The following DGKI variants were observed in gnomAD, a reference collection of about 807,000 sequenced individuals.
The protein encoded by DGKI is DAG kinase iota.
DGKI carries 55 observed loss-of-function variants against 147.5 expected under a neutral mutation model. The ratio of observed to expected loss-of-function variants is 0.37; its 90% confidence interval spans 0.30 to 0.47. The LOEUF is 0.47. Among genes scored for constraint, DGKI ranks in the 20% least tolerant of loss-of-function variants. The pLI, the probability that DGKI is intolerant of heterozygous loss-of-function variation, is 1.00. For missense variants in DGKI, 1,007 were observed against 1,323.8 expected, an observed-to-expected ratio of 0.76 and a Z score of 3.71; for synonymous variants, 469 against 477.1, an observed-to-expected ratio of 0.98 and a Z score of 0.22.
chr7:137,579,435 G>GAA (rs1819104060), intron 15 of DGKI, among the ~76,000 whole-genome samples: 1 of 83,240 alleles, frequency 1.2e-5, no homozygotes, highest in African/African-American at 7.5e-5. Context: ...AACAGAAACA[G>GAA]TAAAAAAAAA....
At chr7:137,583,278 C>A (rs558977032) in intron 14 of DGKI, among the ~76,000 whole-genome samples, 2 of 152,258 alleles carry the variant, frequency 1.3e-5, no homozygotes, top group South Asian at 4.2e-4. Flanking sequence ...ACACATAGAA[C>A]AATGCCAAAA....
In DGKI at chr7:137,623,487, T is replaced by C; in HGVS notation, c.872A>G (p.Gln291Arg). Residue 291 changes from glutamine to arginine, a missense_variant, in exon 7 of 33, where the codon CAG becomes CGG. This residue lies in a region of DGKI where 259 missense variants were observed against 362.5 expected (regional missense o/e 0.71). Coordinates refer to ENST00000614521, the MANE Select transcript of DGKI (RefSeq NM_001321708.2). ...TTTATTTCATCCCAATCTTACCGCC[T>C]GCTTGCACCAGGAACAGCTGATAGC... The part of the protein sequence containing the change: ...IVAISCSWCK[Q>R]AFHNKVTCFM... The C allele has an allele frequency of 1.9e-6, 3 of 1,613,922 alleles. No homozygotes were observed. Among genetic ancestry groups the C allele is most frequent in the Non-Finnish European group, 2.5e-6 (3 of 1,179,798 alleles).
Position 137,466,070 on chromosome 7 carries a change from T to A in DGKI, c.2485-35A>T, listed in dbSNP as rs1055707008. 7 of 1,609,242 alleles carry A rather than the reference T, an allele frequency of 4.3e-6. No individual in the cohort carries two copies. In the Admixed American group the frequency reaches 1.0e-4, roughly 23 times the overall value. On this transcript the variant is annotated intron_variant, in intron 25 of 32. Coordinates refer to ENST00000614521, the MANE Select transcript of DGKI (RefSeq NM_001321708.2). Reference sequence around the variant, plus strand: ...AACAAGAAGTCTGTTGCATGAAGAATAACAAAACAAGTATTCTTGGTCTCG... The same window carrying A: ...AACAAGAAGTCTGTTGCATGAAGAAAAACAAAACAAGTATTCTTGGTCTCG...
Position 137,396,624 on chromosome 7 carries a change from T to C in DGKI, c.2957+753A>G, listed in dbSNP as rs74737092. Among the ~76,000 whole-genome samples the C allele has an allele frequency of 9.5e-3, 1,453 of 152,194 alleles. 20 individuals carry two copies. Among genetic ancestry groups the C allele is most frequent in the African/African-American group, 0.033 (1,378 of 41,520 alleles). Reference sequence around the variant, plus strand: ...TCCACAGCTCTACTGCTTCTCTTCGTCCTCCATTCTATTCATTTCTACTTC... The same window carrying C: ...TCCACAGCTCTACTGCTTCTCTTCGCCCTCCATTCTATTCATTTCTACTTC... On this transcript the variant is annotated intron_variant, in intron 31 of 32. Transcript: ENST00000614521.
At chr7:137,822,536 AAAAC>A (rs552745445) in intron 1 of DGKI, among the ~76,000 whole-genome samples, 30 of 152,176 alleles carry the variant, frequency 2.0e-4, no homozygotes, top group Non-Finnish European at 4.0e-4. Flanking sequence ...TTTTTTCAAT[AAAAC>A]AAACCAGGAC....
At chr7:137,792,117 A>T (rs928774754) in intron 1 of DGKI, among the ~76,000 whole-genome samples, 15 of 152,178 alleles carry the variant, frequency 9.9e-5, no homozygotes, top group Non-Finnish European at 1.9e-4. Context: ...ATGAACACAA[A>T]TGTCGACTGA....
intron 20 of DGKI, among the ~76,000 whole-genome samples, chr7:137,551,581 A>G (rs766976878): frequency 2.6e-5 from 4 of 152,232 alleles, no homozygotes; most frequent in Non-Finnish European, 5.9e-5. Context: ...AATACTCAAA[A>G]GATGCCAAAA....
rs1794446082 is a variant in DGKI at position 137,718,372 on chromosome 7, A to C, written c.402-28370T>G. ...GATTTGAACCCAAAGGTGGCCCCTT[A>C]GAGGAGAGATGCCCACCCTGCCAGG... On this transcript the variant is annotated intron_variant, in intron 1 of 32. Coordinates refer to ENST00000614521, the MANE Select transcript of DGKI (RefSeq NM_001321708.2). Among the ~76,000 whole-genome samples the C allele has an allele frequency of 1.3e-5, 2 of 152,198 alleles. 1 individual carries two copies. The highest frequency in any genetic ancestry group is 4.8e-5 in the African/African-American group (2 of 41,446).
At chr7:137,511,016 G>A (rs1313359888) in intron 21 of DGKI, among the ~76,000 whole-genome samples, 1 of 152,208 alleles carries the variant, frequency 6.6e-6, no homozygotes, top group Non-Finnish European at 1.5e-5. Context: ...TCGGTACTGA[G>A]AAAGACTGTT....
Position 137,412,191 on chromosome 7 carries a change from T to C in DGKI, c.2778A>G (p.Val926=). ...SSEDHAILQA[V]IAGDLMKLIE... ...TTACCTTCATAAGATCACCAGCTAT[T>C]ACTGCCTGCAAAATTGCTGTGAAAG... is the stretch of plus-strand genomic sequence containing the variant. Residue 926 remains valine (V), a synonymous_variant, in exon 29 of 33, where the codon GTA becomes GTG. Coordinates refer to ENST00000614521, the MANE Select transcript of DGKI (RefSeq NM_001321708.2). 6.2e-7 allele frequency: 1 copy of C among 1,614,020 alleles called. No individual in the cohort carries two copies. Among genetic ancestry groups the C allele is most frequent in the Non-Finnish European group, 8.5e-7 (1 of 1,179,898 alleles).
intron 1 of DGKI, among the ~76,000 whole-genome samples, chr7:137,835,030 A>G (rs908195628): frequency 2.6e-5 from 4 of 152,188 alleles, no homozygotes; most frequent in African/African-American, 9.6e-5. Flanking sequence ...CGTATTTTCT[A>G]TCTTCATTTT....
chr7:137,636,737 G>A (rs1483623094), intron 6 of DGKI, among the ~76,000 whole-genome samples: 1 of 152,222 alleles, frequency 6.6e-6, no homozygotes, highest in Admixed American at 6.5e-5. Context: ...AGGTGTTTGG[G>A]TGATGGAGGC....
intron 1 of DGKI, among the ~76,000 whole-genome samples, chr7:137,839,468 T>C (rs1798486257): frequency 6.6e-6 from 1 of 152,194 alleles, no homozygotes; most frequent in South Asian, 2.1e-4. Context: ...TAATACCACT[T>C]TAACAAACAC....
At chr7:137,753,579 G>A (rs1233343960) in intron 1 of DGKI, among the ~76,000 whole-genome samples, 1 of 152,188 alleles carries the variant, frequency 6.6e-6, no homozygotes, top group Non-Finnish European at 1.5e-5. Flanking sequence ...GAGAGGAACG[G>A]GTTGTAAAGT....
At chr7:137,519,775 C>T (rs1816901262) in intron 21 of DGKI, among the ~76,000 whole-genome samples, 1 of 151,902 alleles carries the variant, frequency 6.6e-6, no homozygotes, top group African/African-American at 2.4e-5. Context: ...GATAAACTTT[C>T]CTGAAAAACC....
chr7:137,795,489 T>C (rs553621364), intron 1 of DGKI, among the ~76,000 whole-genome samples: 1 of 152,354 alleles, frequency 6.6e-6, no homozygotes, highest in South Asian at 2.1e-4. Context: ...CAGGGGATTT[T>C]TCCAAAAGAA....
intron 28 of DGKI, among the ~76,000 whole-genome samples, chr7:137,430,502 T>C (rs1407554286): frequency 1.3e-5 from 2 of 151,832 alleles, no homozygotes; most frequent in East Asian, 1.9e-4. Context: ...CATGTATACA[T>C]ATGTAACTAA....
rs1811529583 is a variant in DGKI, at chr7:137,395,826, G to A, written c.2958-129C>T. 1.7e-5 allele frequency: 12 copies of A among 713,308 alleles called. No individual in the cohort carries two copies. In the South Asian group the frequency reaches 2.4e-4, roughly 14 times the overall value. 44.2% of individuals were successfully genotyped at this position (713,308 alleles called of 1,614,324 possible). A position where few individuals can be genotyped will look rare whatever the true frequency, so the allele number is the denominator to read the frequency against. Reference sequence around the variant, plus strand: ...AGGCTGCTGAGACTTTGGCTGTAGGGTACATTCTGGGGAGGTAGGGAAGGG... The same window carrying A: ...AGGCTGCTGAGACTTTGGCTGTAGGATACATTCTGGGGAGGTAGGGAAGGG... On this transcript the variant is annotated intron_variant, in intron 31 of 32. Coordinates refer to ENST00000614521, the MANE Select transcript of DGKI (RefSeq NM_001321708.2).
In DGKI at chr7:137,386,928, A is replaced by G. The variant is rs982983928; in HGVS notation, c.*4292T>C. 1 of 152,202 alleles carries G rather than the reference A, an allele frequency of 6.6e-6. No homozygotes were observed. The highest frequency in any genetic ancestry group is 1.5e-5 in the Non-Finnish European group (1 of 68,032). The allele number at this position is 152,202 out of a possible 1,614,324, so 9.4% of individuals were successfully genotyped here. Reference sequence around the variant, plus strand: ...TTCCTAAAATGAATATAATTCATTTAAATAGAACAATTAGTAGTTTTATTT... The same window carrying G: ...TTCCTAAAATGAATATAATTCATTTGAATAGAACAATTAGTAGTTTTATTT... On this transcript the variant is annotated 3_prime_UTR_variant, in exon 33 of 33. Transcript: ENST00000614521.
Sources: allele counts gnomAD v4.1 joint callset (sites outside exome capture counted in the v4.1 genomes callset), GRCh38; gene constraint gnomAD v4.1.1; regional missense constraint gnomAD v4.1.1; transcripts MANE v1.5; gene names NCBI Gene and HGNC (gene_info 2026-07-23, HGNC 2026-07-21).